PC: variants seen among roughly 807,000 people sequenced by gnomAD.
The protein encoded by PC is pyruvate carboxylase, also known as pyruvate carboxylase, mitochondrial.
Under a neutral mutation model 107.8 loss-of-function variants are expected in PC, and 46 were observed. The ratio of observed to expected loss-of-function variants is 0.43; its 90% confidence interval spans 0.34 to 0.55. The LOEUF (loss-of-function observed/expected upper bound fraction) is 0.55, where lower values mean the gene tolerates loss of function less well. Ranked by LOEUF, PC falls within the 20% of genes least tolerant of loss-of-function variation. The probability of loss-of-function intolerance (pLI) is 0.04; values close to 1 mark genes in which losing one functional copy is unlikely to be tolerated. For missense variants in PC, 1,241 were observed against 1,643.1 expected (o/e 0.76, Z 4.23); for synonymous variants, 662 against 684.7 (o/e 0.97, Z 0.52).
intron 3 of PC, among the ~76,000 whole-genome samples, chr11:66,900,195 T>TC: frequency 6.7e-6 from 1 of 149,666 alleles, no homozygotes; most frequent in Non-Finnish European, 1.5e-5. Flanking sequence ...TTTTTTTTTT[T>TC]TTTGAGACGG....
chr11:66,933,648 CA>C (rs1470355986), intron 3 of PC, among the ~76,000 whole-genome samples: 1 of 152,122 alleles, frequency 6.6e-6, no homozygotes, highest in Non-Finnish European at 1.5e-5. Context: ...GGCCCCATGA[CA>C]ACTTTTCTTC....
intron 3 of PC, among the ~76,000 whole-genome samples, chr11:66,923,047 C>T (rs1393385116): frequency 2.6e-5 from 4 of 152,160 alleles, no homozygotes; most frequent in African/African-American, 7.2e-5. Flanking sequence ...CAGGGAAAGG[C>T]GAACACACAA....
At chr11:66,872,291 C>A (rs1946769360) in intron 3 of PC, 132 bp from the exon 4 acceptor site, 2 of 1,053,814 alleles carry the variant, frequency 1.9e-6, no homozygotes, top group Admixed American at 2.0e-5. Flanking sequence ...GATGCCTGGC[C>A]AAGCCCAACA....
At chr11:66,856,361 G>A (rs891667909) in intron 12 of PC, among the ~76,000 whole-genome samples, 7 of 152,008 alleles carry the variant, frequency 4.6e-5, no homozygotes, top group African/African-American at 1.7e-4. Flanking sequence ...GGCCCGCGGG[G>A]CGGGCGGGGC....
intron 3 of PC, among the ~76,000 whole-genome samples, chr11:66,889,876 A>G (rs1473320782): frequency 6.6e-6 from 1 of 150,816 alleles, no homozygotes; most frequent in Non-Finnish European, 1.5e-5. Context: ...GCCCATAACC[A>G]TATGTTCTAA....
intron 3 of PC, among the ~76,000 whole-genome samples, chr11:66,878,073 G>A (rs1947048202): frequency 1.3e-5 from 2 of 152,172 alleles, no homozygotes; most frequent in Admixed American, 1.3e-4. Context: ...GGCGAAGGGA[G>A]CTCCTGCTAC....
chr11:66,936,237 A>G (rs1416677347), intron 3 of PC, among the ~76,000 whole-genome samples: 5 of 151,690 alleles, frequency 3.3e-5, no homozygotes, highest in Non-Finnish European at 7.4e-5. Context: ...ACAGAGCAAG[A>G]CCCTGTCACA....
At chr11:66,902,842 T>C (rs1948010461) in intron 3 of PC, among the ~76,000 whole-genome samples, 1 of 152,124 alleles carries the variant, frequency 6.6e-6, no homozygotes, top group African/African-American at 2.4e-5. Flanking sequence ...TGAGTGGACA[T>C]TTTGTTTTGT....
At chr11:66,874,161 T>C (rs889341178) in intron 3 of PC, among the ~76,000 whole-genome samples, 1 of 152,148 alleles carries the variant, frequency 6.6e-6, no homozygotes, top group African/African-American at 2.4e-5. Context: ...GGTTTCACCA[T>C]CTTGGCCAGG....
rs113254447 is a variant in PC at position 66,954,667 on chromosome 11, G to A, written c.-227-231C>T. ...TCAATGAAAATGTTGACCAGAGGCC[G>A]GGTGCAGTGGCTCACGCCTGTAATC... On this transcript the variant is annotated intron_variant, in intron 1 of 22. Transcript: ENST00000393960. Among the ~76,000 whole-genome samples, 17 of 152,330 alleles carry A rather than the reference G, an allele frequency of 1.1e-4. 1 individual carries two copies. The highest frequency in any genetic ancestry group is 8.3e-4 in the South Asian group (4 of 4,824).
chr11:66,857,774 G>C lies in PC; in HGVS notation c.1369-4391C>G. On this transcript the variant is annotated intron_variant, in intron 12 of 22. Transcript: ENST00000393960. This position sits in a 1 kb window ranked among gnomAD's most constrained non-coding sequence, Gnocchi z 7.1. ...CCCCGCCGCTCCTGCTGCTGCTGCT[G>C]GCCAGTGGAGCGGCCGCCTGCCCGC... 6.3e-7 allele frequency: 1 copy of C among 1,595,290 alleles called. No individual in the cohort carries two copies. Among genetic ancestry groups the C allele is most frequent in the South Asian group, 1.1e-5 (1 of 90,922 alleles).
chr11:66,858,826 CA>C lies in PC; in HGVS notation c.1368+4947del. ...GCCACCAACCCTGCTGGTGAGGCCA[CA>C]GCCCGAGTAGAACTGCGGGTGCTGG... On this transcript the variant is annotated intron_variant, in intron 12 of 22. Coordinates refer to ENST00000393960, the MANE Select transcript of PC (RefSeq NM_001040716.2). The surrounding 1 kb of genome is among the most constrained non-coding windows in gnomAD (Gnocchi z 5.9). 6.4e-7 allele frequency: 1 copy of C among 1,550,818 alleles called. No homozygotes were observed. Among genetic ancestry groups the C allele is most frequent in the Non-Finnish European group, 8.7e-7 (1 of 1,148,664 alleles).
intron 9 of PC, among the ~76,000 whole-genome samples, chr11:66,869,445 A>G (rs1417839357): frequency 1.3e-5 from 2 of 152,010 alleles, no homozygotes; most frequent in African/African-American, 2.4e-5. Flanking sequence ...GTACCAACAG[A>G]TAATGACTCT....
At chr11:66,917,676 C>T (rs914394289) in intron 3 of PC, among the ~76,000 whole-genome samples, 7 of 152,196 alleles carry the variant, frequency 4.6e-5, no homozygotes, top group African/African-American at 1.7e-4. Context: ...ATGTCTAACA[C>T]CTACATGATG....
At position 66,859,910 on chromosome 11, in the gene PC, C is replaced by T. The variant is rs1036400466; in HGVS notation, c.1368+3864G>A. 7 of 1,580,804 alleles carry T rather than the reference C, an allele frequency of 4.4e-6. No homozygotes were observed. In the African/African-American group the frequency reaches 9.4e-5, roughly 21 times the overall value. ...TCACTGTGGCCTTGCTGGTTCGGGGCCGGGGGGCCGGAAATGGCCGCCTCC... is the reference window on the plus strand; with the variant it reads ...TCACTGTGGCCTTGCTGGTTCGGGGTCGGGGGGCCGGAAATGGCCGCCTCC... On this transcript the variant is annotated intron_variant, in intron 12 of 22. Coordinates refer to ENST00000393960, the MANE Select transcript of PC (RefSeq NM_001040716.2).
chr11:66,917,678 T>C (rs1397734257), intron 3 of PC, among the ~76,000 whole-genome samples: 2 of 152,200 alleles, frequency 1.3e-5, no homozygotes, highest in Non-Finnish European at 2.9e-5. Context: ...GTCTAACACC[T>C]ACATGATGCC....
chr11:66,865,216 C>T, intron 11 of PC, among the ~76,000 whole-genome samples: 1 of 150,636 alleles, frequency 6.6e-6, no homozygotes, highest in Non-Finnish European at 1.5e-5. Flanking sequence ...AGCTCTGGTC[C>T]CTACCCCCAG....
chr11:66,910,965 C>T (rs1020715344), intron 3 of PC, among the ~76,000 whole-genome samples: 7 of 152,326 alleles, frequency 4.6e-5, no homozygotes, highest in South Asian at 4.1e-4. Flanking sequence ...TGGGAATTTA[C>T]GTAACCTTCT....
rs566913636 is a variant in PC at position 66,887,587 on chromosome 11, T to C, written c.1-15428A>G. Among the ~76,000 whole-genome samples, 7 of 151,748 alleles carry C rather than the reference T, an allele frequency of 4.6e-5. 1 individual carries two copies. Among genetic ancestry groups the C allele is most frequent in the Middle Eastern group, 6.8e-3 (2 of 294 alleles). On this transcript the variant is annotated intron_variant, in intron 3 of 22. Transcript: ENST00000393960. ...CCCAGAAAGACTAACATATGGAAAA[T>C]AGGAGAAAAGATAAGAAAATAAGAG...
Sources: allele counts gnomAD v4.1 joint callset (sites outside exome capture counted in the v4.1 genomes callset), GRCh38; gene constraint gnomAD v4.1.1; non-coding constraint Gnocchi (gnomAD v3.1); transcripts MANE v1.5; gene names NCBI Gene and HGNC (gene_info 2026-07-23, HGNC 2026-07-21).